DMRT1: variants seen among roughly 807,000 people sequenced by gnomAD.
DMRT1 encodes the protein doublesex- and mab-3-related transcription factor 1.
In DMRT1, 7 loss-of-function variants were observed where a neutral mutation model predicts 32.3. That is an observed-to-expected ratio of 0.22 (90% CI 0.12 to 0.41). DMRT1 has a LOEUF of 0.41. DMRT1 is among the 10% of genes least tolerant of loss of function. DMRT1 has a pLI of 1.00. For missense variants in DMRT1, 625 were observed against 500.5 expected, an observed-to-expected ratio of 1.25 and a Z score of -2.37; for synonymous variants, 278 against 206.1, an observed-to-expected ratio of 1.35 and a Z score of -2.99.
At chr9:904,137 A>G (rs1369372243) in intron 3 of DMRT1, among the ~76,000 whole-genome samples, 3 of 152,220 alleles carry the variant, frequency 2.0e-5, no homozygotes, top group Admixed American at 6.5e-5. Context: ...AGTAAATAAT[A>G]TAGTCATTTG....
chr9:909,493 G>A (rs1163610297), intron 3 of DMRT1, among the ~76,000 whole-genome samples: 1 of 152,012 alleles, frequency 6.6e-6, no homozygotes, highest in Non-Finnish European at 1.5e-5. Flanking sequence ...TAGATGGTTC[G>A]AAAAGAAGCA....
intron 4 of DMRT1, among the ~76,000 whole-genome samples, chr9:932,132 T>C (rs1232334951): frequency 2.6e-5 from 4 of 152,208 alleles, no homozygotes; most frequent in Non-Finnish European, 5.9e-5. Context: ...CTTTTCCAGA[T>C]TGTTGCTCTT....
At chr9:928,846 T>TTTTATTTA (rs573508979) in intron 4 of DMRT1, among the ~76,000 whole-genome samples, 237 of 151,088 alleles carry the variant, frequency 1.6e-3, no homozygotes, top group African/African-American at 4.8e-3. Flanking sequence ...ATTTATTTAT[T>TTTTATTTA]TTTATTTATT....
In DMRT1 at chr9:853,613, C is replaced by G. The variant is rs189905549; in HGVS notation, c.538+6470C>G. ...TCAGCCTCCTGAATAGCTGGGATTACAGGCATGCACCACCAAACCTGGCTA... is the reference window on the plus strand; with the variant it reads ...TCAGCCTCCTGAATAGCTGGGATTAGAGGCATGCACCACCAAACCTGGCTA... On this transcript the variant is annotated intron_variant, in intron 2 of 4. Transcript: ENST00000382276. 3.4e-4 allele frequency among the ~76,000 whole-genome samples: 51 copies of G among 151,802 alleles called. 2 individuals carry two copies. In the East Asian group the frequency reaches 8.9e-3, roughly 27 times the overall value.
chr9:951,149 T>G (rs187070690), intron 4 of DMRT1, among the ~76,000 whole-genome samples: 1 of 152,166 alleles, frequency 6.6e-6, no homozygotes, highest in Admixed American at 6.5e-5. Flanking sequence ...TAGAGCCTCA[T>G]TGAAGCACTA....
intron 2 of DMRT1, among the ~76,000 whole-genome samples, chr9:869,985 G>A (rs901777332): frequency 1.3e-5 from 2 of 152,138 alleles, no homozygotes; most frequent in African/African-American, 4.8e-5. Flanking sequence ...ATACGGCCCT[G>A]GAGATAAACA....
At chr9:907,097 A>G (rs1817802612) in intron 3 of DMRT1, among the ~76,000 whole-genome samples, 1 of 152,240 alleles carries the variant, frequency 6.6e-6, no homozygotes, top group South Asian at 2.1e-4. Context: ...TATCATCAGT[A>G]CAACCCCCAT....
intron 2 of DMRT1, among the ~76,000 whole-genome samples, chr9:867,584 T>A (rs1242679728): frequency 6.6e-6 from 1 of 152,216 alleles, no homozygotes; most frequent in Non-Finnish European, 1.5e-5. Flanking sequence ...GTTTTTCCAA[T>A]TATAGGGAAA....
intron 1 of DMRT1, among the ~76,000 whole-genome samples, chr9:845,638 CCCTT>C (rs1426072125): frequency 6.6e-6 from 1 of 152,148 alleles, no homozygotes; most frequent in African/African-American, 2.4e-5. Context: ...CCTGTCTTCT[CCCTT>C]CCTCCCTGCC....
At chr9:942,984 C>G (rs1312390877) in intron 4 of DMRT1, among the ~76,000 whole-genome samples, 1 of 151,712 alleles carries the variant, frequency 6.6e-6, no homozygotes, top group East Asian at 1.9e-4. Flanking sequence ...CTCTGCACAC[C>G]CCTCCCCCCA....
At chr9:862,088 C>T (rs1815728738) in intron 2 of DMRT1, among the ~76,000 whole-genome samples, 1 of 137,870 alleles carries the variant, frequency 7.3e-6, no homozygotes, top group Non-Finnish European at 1.7e-5. Context: ...CTCCTCACTT[C>T]CTAGACGGGG....
intron 4 of DMRT1, among the ~76,000 whole-genome samples, chr9:966,199 T>C (rs1819925602): frequency 6.6e-6 from 1 of 152,248 alleles, no homozygotes; most frequent in South Asian, 2.1e-4. Context: ...TTTAAATGCA[T>C]ATAACAATAC....
intron 2 of DMRT1, among the ~76,000 whole-genome samples, chr9:883,753 C>G (rs1306750739): frequency 6.6e-6 from 1 of 150,846 alleles, no homozygotes; most frequent in Non-Finnish European, 1.5e-5. Context: ...GATCACACCA[C>G]TGCACTTCAG....
In DMRT1 at chr9:842,022, G is replaced by A; in HGVS notation, c.184G>A (p.Asp62Asn). Reference sequence around the variant, plus strand: ...AGGCGGCTCCGGCTCCGGGGCGTCGGACCTGGGTGCCGGGAGCAAGAAGTC... The same window carrying A: ...AGGCGGCTCCGGCTCCGGGGCGTCGAACCTGGGTGCCGGGAGCAAGAAGTC... ...RGGGSGSGAS[D>N]LGAGSKKSPR... The change falls in exon 1 of 5, where the codon GAC (aspartate) becomes AAC (asparagine). Residue 62 changes from aspartate to asparagine, a missense_variant. By Grantham distance (23) the Asp-to-Asn change is conservative (BLOSUM62 1). Coordinates refer to ENST00000382276, the MANE Select transcript of DMRT1 (RefSeq NM_021951.3). 1 of 1,549,816 alleles carries A rather than the reference G, an allele frequency of 6.5e-7. No individual in the cohort carries two copies. Among genetic ancestry groups the A allele is most frequent in the Non-Finnish European group, 8.7e-7 (1 of 1,149,932 alleles).
chr9:933,755 C>T lies in DMRT1; in HGVS notation c.967+16848C>T, dbSNP rs570247310. 3.0e-4 allele frequency among the ~76,000 whole-genome samples: 45 copies of T among 152,314 alleles called. No individual in the cohort carries two copies. The South Asian group carries it at 8.9e-3, about 30-fold the overall frequency. ...GCTAGTTATATCGTATTGGATAGTG[C>T]AGAAACAATATTTCCATCATCATAG... On this transcript the variant is annotated intron_variant, in intron 4 of 4. Transcript: ENST00000382276.
intron 2 of DMRT1, among the ~76,000 whole-genome samples, chr9:870,403 A>AAAC (rs141869596): frequency 9.0e-4 from 136 of 151,274 alleles, no homozygotes; most frequent in African/African-American, 3.2e-3. Flanking sequence ...CTGTCTCAAA[A>AAAC]AACAACAACA....
intron 3 of DMRT1, among the ~76,000 whole-genome samples, chr9:912,418 G>C (rs1818022553): frequency 6.6e-6 from 1 of 152,158 alleles, no homozygotes; most frequent in African/African-American, 2.4e-5. Flanking sequence ...ATAGCTCAGT[G>C]ATCTTGGGGA....
chr9:880,742 A>G (rs1316647108), intron 2 of DMRT1, among the ~76,000 whole-genome samples: 2 of 150,348 alleles, frequency 1.3e-5, no homozygotes, highest in Non-Finnish European at 3.0e-5. Context: ...AAAAAAAAAA[A>G]AGAAAAGAAA....
intron 2 of DMRT1, among the ~76,000 whole-genome samples, chr9:876,880 C>T (rs1816524212): frequency 6.6e-6 from 1 of 152,166 alleles, no homozygotes; most frequent in African/African-American, 2.4e-5. Flanking sequence ...TCCCTTTTCC[C>T]CTTCTGACAC....
Sources: allele counts gnomAD v4.1 joint callset (sites outside exome capture counted in the v4.1 genomes callset), GRCh38; gene constraint gnomAD v4.1.1; transcripts MANE v1.5; gene names NCBI Gene and HGNC (gene_info 2026-07-23, HGNC 2026-07-21).